RARS2: variants seen among roughly 807,000 people sequenced by gnomAD.
RARS2 encodes the protein probable arginine--tRNA ligase, mitochondrial.
Under a neutral mutation model 88.5 loss-of-function variants are expected in RARS2, and 67 were observed. That is an observed-to-expected ratio of 0.76 (90% CI 0.62 to 0.93). The LOEUF is 0.93. RARS2 is among the 40% of genes least tolerant of loss of function. The pLI is 0.00. For missense variants in RARS2, 664 were observed against 684.2 expected (o/e 0.97, Z 0.33); for synonymous variants, 239 against 230.3 (o/e 1.04, Z -0.34).
At chr6:87,554,487 T>C (rs1487156409) in intron 5 of RARS2, among the ~76,000 whole-genome samples, 1 of 152,212 alleles carries the variant, frequency 6.6e-6, no homozygotes, top group Non-Finnish European at 1.5e-5. Context: ...ACACAGGGTC[T>C]TGGTGTGTCT....
At chr6:87,541,889 A>T (rs760827310) in intron 8 of RARS2, 29 bp downstream of exon 8, 6 of 1,560,672 alleles carry the variant, frequency 3.8e-6, no homozygotes, top group Non-Finnish European at 5.3e-6. Context: ...ACTCTGAAAA[A>T]TTTTTGAAAT....
chr6:87,568,758 GA>G (rs1253992613), intron 2 of RARS2, among the ~76,000 whole-genome samples: 4 of 152,086 alleles, frequency 2.6e-5, no homozygotes. Context: ...ATTCTGAGAA[GA>G]ATATTCATTC....
rs1244447339 is a variant in RARS2 at position 87,545,655 on chromosome 6, T to C, written c.496A>G (p.Ile166Val). The change falls in exon 7 of 20, where the codon ATA (isoleucine) becomes GTA (valine). Residue 166 changes from isoleucine (I) to valine (V), a missense_variant. Transcript: ENST00000369536. ...CAATCGCCAAGGTAATTTATTCTTA[T>C]TACTTGATGTCCTAAAGCTTCTTTG... Reference protein sequence around the residue: ...NLKEALGHQVIRINYLGDWGM... With the variant: ...NLKEALGHQVVRINYLGDWGM... The C allele has an allele frequency of 6.2e-7, 1 of 1,613,654 alleles. No homozygotes were observed. The highest frequency in any genetic ancestry group is 8.5e-7 in the Non-Finnish European group (1 of 1,179,898).
At chr6:87,559,911 G>A (rs1282821345) in intron 4 of RARS2, among the ~76,000 whole-genome samples, 1 of 152,114 alleles carries the variant, frequency 6.6e-6, no homozygotes, top group Non-Finnish European at 1.5e-5. Context: ...CCCTTCCTAT[G>A]TTTAGACATG....
intron 1 of RARS2, among the ~76,000 whole-genome samples, chr6:87,581,439 G>T (rs539543587): frequency 6.6e-6 from 1 of 151,958 alleles, no homozygotes; most frequent in Non-Finnish European, 1.5e-5. Context: ...CAGTGCAGAA[G>T]CCCTCCCAAA....
At chr6:87,564,334 C>A (rs1767152236) in intron 2 of RARS2, 102 bp from the exon 3 acceptor site, 1 of 860,570 alleles carries the variant, frequency 1.2e-6, no homozygotes. Flanking sequence ...CATACCTTTA[C>A]CAGAAGAAGG....
intron 1 of RARS2, among the ~76,000 whole-genome samples, chr6:87,587,258 A>AT (rs1251281068): frequency 9.2e-5 from 14 of 152,286 alleles, no homozygotes; most frequent in African/African-American, 3.1e-4. Flanking sequence ...CTCAATGAAC[A>AT]TTGAGTCTCA....
At chr6:87,573,103 GC>G (rs777345809) in intron 1 of RARS2, among the ~76,000 whole-genome samples, 38 of 152,242 alleles carry the variant, frequency 2.5e-4, no homozygotes, top group Middle Eastern at 6.8e-3. Flanking sequence ...ACTGAGACTG[GC>G]TAATTCATGA....
At chr6:87,589,467 C>G (rs992319133) in intron 1 of RARS2, among the ~76,000 whole-genome samples, 1 of 152,228 alleles carries the variant, frequency 6.6e-6, no homozygotes, top group African/African-American at 2.4e-5. Context: ...GCTCTTATAT[C>G]TTTGGGCGTT....
At chr6:87,581,917 G>A (rs1055252903) in intron 1 of RARS2, among the ~76,000 whole-genome samples, 1 of 151,620 alleles carries the variant, frequency 6.6e-6, no homozygotes, top group African/African-American at 2.4e-5. Context: ...TCATGTCCCT[G>A]CAAAGGACAT....
At chr6:87,564,020 C>CT in intron 3 of RARS2, 110 bp downstream of exon 3, 1 of 809,254 alleles carries the variant, frequency 1.2e-6, no homozygotes, top group Non-Finnish European at 2.1e-6. Flanking sequence ...CACAAGATGC[C>CT]TCAAAGAAAC....
intron 1 of RARS2, among the ~76,000 whole-genome samples, chr6:87,572,076 A>C (rs1258501795): frequency 6.9e-6 from 1 of 144,448 alleles, no homozygotes; most frequent in Non-Finnish European, 1.5e-5. Flanking sequence ...TCAGTAATAA[A>C]GGTTCTATCG....
chr6:87,545,938 C>T (rs1782498804), intron 6 of RARS2, among the ~76,000 whole-genome samples: 1 of 151,900 alleles, frequency 6.6e-6, no homozygotes. Flanking sequence ...ACAGAACTTT[C>T]ACCTACATTA....
At chr6:87,528,896 G>T (rs193118766) in intron 10 of RARS2, among the ~76,000 whole-genome samples, 1 of 152,134 alleles carries the variant, frequency 6.6e-6, no homozygotes. Context: ...AGGTAAGTAC[G>T]TAAGGTGATG....
intron 14 of RARS2, 68 bp from the exon 15 acceptor site, chr6:87,518,959 G>A: frequency 2.7e-6 from 4 of 1,473,594 alleles, no homozygotes; most frequent in Non-Finnish European, 3.8e-6. Context: ...CCAAGTGAAG[G>A]TAACATCTGC....
intron 5 of RARS2, among the ~76,000 whole-genome samples, chr6:87,551,844 G>A (rs1402377885): frequency 6.6e-6 from 1 of 152,030 alleles, no homozygotes; most frequent in Non-Finnish European, 1.5e-5. Flanking sequence ...AAATCATGTT[G>A]AGAAAAGAAA....
intron 8 of RARS2, among the ~76,000 whole-genome samples, chr6:87,540,324 G>A (rs1582491840): frequency 6.6e-6 from 1 of 151,484 alleles, no homozygotes; most frequent in South Asian, 2.1e-4. Flanking sequence ...GTGGTGCTGG[G>A]CACCTGTAAT....
At chr6:87,540,076 A>G (rs1780435376) in intron 8 of RARS2, among the ~76,000 whole-genome samples, 1 of 152,144 alleles carries the variant, frequency 6.6e-6, no homozygotes, top group Non-Finnish European at 1.5e-5. Flanking sequence ...GGTTAACATG[A>G]TAAATCAAAA....
intron 2 of RARS2, among the ~76,000 whole-genome samples, chr6:87,568,648 A>G (rs1259298501): frequency 6.6e-6 from 1 of 152,230 alleles, no homozygotes; most frequent in Non-Finnish European, 1.5e-5. Flanking sequence ...TCTCTTACAG[A>G]AAGTCAATAT....
Sources: allele counts gnomAD v4.1 joint callset (sites outside exome capture counted in the v4.1 genomes callset), GRCh38; gene constraint gnomAD v4.1.1; transcripts MANE v1.5; gene names NCBI Gene and HGNC (gene_info 2026-07-23, HGNC 2026-07-21).